Variants in BCKDHB observed in about 807,000 individuals in gnomAD.
The protein encoded by BCKDHB is 2-oxoisovalerate dehydrogenase subunit beta, mitochondrial.
A neutral mutation model predicts 48.5 loss-of-function variants in BCKDHB; 41 were observed. The ratio of observed to expected loss-of-function variants is 0.85; its 90% CI spans 0.66 to 1.10. BCKDHB has a LOEUF of 1.10. Ranked by LOEUF, BCKDHB falls within the 50% of genes least tolerant of loss-of-function variation. BCKDHB has a pLI of 0.00. For missense variants in BCKDHB, 496 were observed against 494.2 expected (o/e 1.00, Z -0.03); for synonymous variants, 201 against 174.8 (o/e 1.15, Z -1.18).
At chr6:80,409,575 CATATAT>C in the BCKDHB span, among the ~76,000 whole-genome samples, 60 of 50,184 alleles carry the variant, frequency 1.2e-3, no homozygotes, top group East Asian at 4.6e-3. Context: ...GTATTGGTTG[CATATAT>C]ATATATATAT....
chr6:80,406,028 A>G, the BCKDHB span, among the ~76,000 whole-genome samples: 7 of 150,830 alleles, frequency 4.6e-5, no homozygotes, highest in Non-Finnish European at 7.4e-5. Flanking sequence ...CCTAGTGTCC[A>G]TGTGTTCTCA....
At chr6:80,306,164 C>G (rs976072739) in intron 9 of BCKDHB, among the ~76,000 whole-genome samples, 8 of 152,174 alleles carry the variant, frequency 5.3e-5, no homozygotes, top group Non-Finnish European at 1.0e-4. Flanking sequence ...TTCTTTTCAT[C>G]AAAATGCTTT....
At chr6:80,126,872 A>G (rs1770369810) in intron 1 of BCKDHB, among the ~76,000 whole-genome samples, 1 of 152,148 alleles carries the variant, frequency 6.6e-6, no homozygotes, top group African/African-American at 2.4e-5. Flanking sequence ...GAACCTAACA[A>G]TGAATAGCTA....
At chr6:80,227,136 A>G (rs1336787995) in intron 8 of BCKDHB, among the ~76,000 whole-genome samples, 1 of 152,228 alleles carries the variant, frequency 6.6e-6, no homozygotes, top group African/African-American at 2.4e-5. Flanking sequence ...AAATTAAACA[A>G]AATACTCTAC....
chr6:80,309,094 G>C (rs1408737427), intron 9 of BCKDHB, among the ~76,000 whole-genome samples: 1 of 149,922 alleles, frequency 6.7e-6, no homozygotes, highest in Admixed American at 6.7e-5. Context: ...ACGGAGTCTC[G>C]CTTTTGCCAA....
chr6:80,138,504 T>G (rs1215790787), intron 3 of BCKDHB, among the ~76,000 whole-genome samples: 3 of 152,024 alleles, frequency 2.0e-5, no homozygotes. Flanking sequence ...CCATGTGTTC[T>G]CATTGTTCAA....
At chr6:80,216,821 G>C (rs185036874) in intron 8 of BCKDHB, among the ~76,000 whole-genome samples, 1 of 152,066 alleles carries the variant, frequency 6.6e-6, no homozygotes, top group South Asian at 2.1e-4. Context: ...TTCTGTAATC[G>C]TTAAGAATTT....
At chr6:80,121,569 G>T (rs778643292) in intron 1 of BCKDHB, among the ~76,000 whole-genome samples, 1 of 152,114 alleles carries the variant, frequency 6.6e-6, no homozygotes, top group Non-Finnish European at 1.5e-5. Context: ...CCTTGAAGAG[G>T]TCCTTCACAT....
At chr6:80,149,047 G>C (rs1431491366) in intron 3 of BCKDHB, among the ~76,000 whole-genome samples, 1 of 152,036 alleles carries the variant, frequency 6.6e-6, no homozygotes, top group Non-Finnish European at 1.5e-5. Context: ...TACAAAATGG[G>C]AGAAAATTTT....
chr6:80,157,447 T>C (rs1772096409), intron 3 of BCKDHB, among the ~76,000 whole-genome samples: 1 of 150,790 alleles, frequency 6.6e-6, no homozygotes, highest in Non-Finnish European at 1.5e-5. Flanking sequence ...CACTGGAGAT[T>C]ATTGGGTGAG....
intron 8 of BCKDHB, among the ~76,000 whole-genome samples, chr6:80,240,468 T>TGTC (rs1367230724): frequency 1.3e-5 from 2 of 152,162 alleles, no homozygotes; most frequent in Non-Finnish European, 2.9e-5. Flanking sequence ...GCTCTCTGTT[T>TGTC]GTCTGTTATT....
At chr6:80,192,822 CT>C (rs11415441) in intron 6 of BCKDHB, among the ~76,000 whole-genome samples, 87 of 145,164 alleles carry the variant, frequency 6.0e-4, no homozygotes, top group Middle Eastern at 3.5e-3. Flanking sequence ...TATTTGCCAA[CT>C]TTTTTTTTTT....
rs1296571801 is a variant in BCKDHB at position 80,148,506 on chromosome 6, C to A, written c.344-19172C>A. On this transcript the variant is annotated intron_variant, in intron 3 of 9. Transcript: ENST00000320393. ...TTTGGGGTTTCTTTCACTATTGTTC[C>A]CATTGCCACTATCATAGTTCATGCT... Among the ~76,000 whole-genome samples, 3 of 152,032 alleles carry A rather than the reference C, an allele frequency of 2.0e-5. No individual in the cohort carries two copies. In the East Asian group the frequency reaches 5.8e-4, roughly 29 times the overall value.
chr6:80,399,505 C>A, the BCKDHB span, among the ~76,000 whole-genome samples: 1 of 151,920 alleles, frequency 6.6e-6, no homozygotes, highest in Non-Finnish European at 1.5e-5. Context: ...ACAATTGCCA[C>A]AAAAAATAAA....
At chr6:80,208,397 T>C (rs1774768287) in intron 8 of BCKDHB, among the ~76,000 whole-genome samples, 1 of 151,816 alleles carries the variant, frequency 6.6e-6, no homozygotes, top group South Asian at 2.1e-4. Context: ...ATTAAAAAAA[T>C]TAATGATCTG....
the BCKDHB span, among the ~76,000 whole-genome samples, chr6:80,436,394 C>T: frequency 6.6e-6 from 1 of 151,908 alleles, no homozygotes; most frequent in African/African-American, 2.4e-5. Flanking sequence ...CATCTCCTGA[C>T]CTCGTGATCC....
Position 80,343,816 on chromosome 6 carries a change from G to A in BCKDHB, c.*12G>A, listed in dbSNP as rs746528642. On this transcript the variant is annotated 3_prime_UTR_variant, in exon 10 of 10. Coordinates refer to ENST00000320393, the MANE Select transcript of BCKDHB (RefSeq NM_183050.4). ...TGATCAACTATTGACCATATAGGTA[G>A]GTATGCATCTTGAGAAAGCTACTAT... 1.2e-6 allele frequency: 2 copies of A among 1,613,712 alleles called. No individual in the cohort carries two copies. The highest frequency in any genetic ancestry group is 1.7e-6 in the Non-Finnish European group (2 of 1,179,782).
chr6:80,339,334 C>T (rs989543451), intron 9 of BCKDHB, among the ~76,000 whole-genome samples: 2 of 152,102 alleles, frequency 1.3e-5, no homozygotes, highest in Admixed American at 1.3e-4. Flanking sequence ...TTGTGCTTGT[C>T]CTCTCTTACC....
chr6:80,324,399 G>A (rs1768923961), intron 9 of BCKDHB, among the ~76,000 whole-genome samples: 1 of 152,160 alleles, frequency 6.6e-6, no homozygotes, highest in South Asian at 2.1e-4. Context: ...AGGTAGGAAT[G>A]AGAGGGAGAG....
Sources: allele counts gnomAD v4.1 joint callset (sites outside exome capture counted in the v4.1 genomes callset), GRCh38; gene constraint gnomAD v4.1.1; transcripts MANE v1.5; gene names NCBI Gene and HGNC (gene_info 2026-07-23, HGNC 2026-07-21).